Variants in ITCH observed in about 807,000 individuals in gnomAD.
ITCH encodes E3 ubiquitin-protein ligase Itchy homolog.
Under a neutral mutation model 126.8 loss-of-function variants are expected in ITCH, and 28 were observed. The observed-to-expected ratio is 0.22, with a 90% CI of 0.16 to 0.30. The LOEUF (loss-of-function observed/expected upper bound fraction) is 0.30. Among genes scored for constraint, ITCH ranks in the 10% least tolerant of loss-of-function variants. ITCH has a pLI of 1.00. For missense variants in ITCH, 631 were observed against 1,032.4 expected, an observed-to-expected ratio of 0.61 and a Z score of 5.33; for synonymous variants, 342 against 340.0, an observed-to-expected ratio of 1.01 and a Z score of -0.06.
rs1177677175 is a variant in ITCH, at chr20:34,412,685, T to C, written c.337+46T>C. The C allele has an allele frequency of 2.6e-6, 4 of 1,524,988 alleles. No individual in the cohort carries two copies. The Admixed American group carries it at 6.7e-5, about 26-fold the overall frequency. 94.5% of individuals were successfully genotyped at this position (1,524,988 alleles called of 1,614,324 possible). ...GAAATTGCACTTAGCTGTTTGTTTT[T>C]CTGGAAGAAATTTATATGTCAAACA... On this transcript the variant is annotated intron_variant, in intron 5 of 24. Transcript: ENST00000374864.
intron 14 of ITCH, among the ~76,000 whole-genome samples, chr20:34,469,311 C>T (rs551329177): frequency 1.9e-4 from 28 of 150,794 alleles, no homozygotes; most frequent in African/African-American, 6.3e-4. Flanking sequence ...TTTTTTTAGA[C>T]GGAGTCTAGC....
intron 12 of ITCH, among the ~76,000 whole-genome samples, chr20:34,451,301 A>G (rs1600372425): frequency 6.6e-6 from 1 of 152,172 alleles, no homozygotes; most frequent in East Asian, 1.9e-4. Flanking sequence ...AAAAAAAAAA[A>G]AAAAAGAAAT....
rs771480664 is a variant in ITCH, at chr20:34,471,547, CT to C, written c.1569+33del. 13 of 1,373,228 alleles carry C rather than the reference CT, an allele frequency of 9.5e-6. No homozygotes were observed. The South Asian group carries it at 1.0e-4, about 11-fold the overall frequency. The allele number at this position is 1,373,228 out of a possible 1,614,324, so 85.1% of individuals were successfully genotyped here. A position where few individuals can be genotyped will look rare whatever the true frequency, so the allele number is the denominator to read the frequency against. ...TTTCATTCTCTCAATAATTTCCCCC[CT>C]GGCTGCTAGCTTAGGACCCGCTTTT... On this transcript the variant is annotated intron_variant, in intron 16 of 24. Coordinates refer to ENST00000374864, the MANE Select transcript of ITCH (RefSeq NM_031483.7).
intron 13 of ITCH, 57 bp from the exon 14 acceptor site, chr20:34,462,036 T>A: frequency 6.4e-7 from 1 of 1,560,076 alleles, no homozygotes; most frequent in Non-Finnish European, 8.8e-7. Context: ...GCTTCTGTAC[T>A]TGGCAAACAA....
Position 34,494,753 on chromosome 20 carries a change from G to A in ITCH, c.2416+2156G>A, listed in dbSNP as rs549172662. Among the ~76,000 whole-genome samples the A allele has an allele frequency of 2.6e-5, 4 of 152,028 alleles. No homozygotes were observed. In the East Asian group the frequency reaches 7.7e-4, roughly 29 times the overall value. ...GCAGGAGGAACACACGAGCCCAGGG[G>A]TTTGAGACAAGCCTGGGCAATATAG... On this transcript the variant is annotated intron_variant, in intron 23 of 24. Transcript: ENST00000374864.
chr20:34,413,664 A>G, intron 5 of ITCH, 78 bp from the exon 6 acceptor site: 1 of 1,308,618 alleles, frequency 7.6e-7, no homozygotes. Context: ...CACATTTTTA[A>G]CAGTTAATTT....
chr20:34,376,128 G>C (rs2037835497), intron 2 of ITCH, among the ~76,000 whole-genome samples: 1 of 152,088 alleles, frequency 6.6e-6, no homozygotes, highest in African/African-American at 2.4e-5. Flanking sequence ...TTGTCTTGTG[G>C]CTTGCTGCTT....
chr20:34,394,997 C>T (rs544421904), intron 3 of ITCH, among the ~76,000 whole-genome samples: 2 of 152,022 alleles, frequency 1.3e-5, no homozygotes, highest in East Asian at 1.9e-4. Context: ...TTTGGGAGGT[C>T]GAGGTGGGCA....
intron 24 of ITCH, among the ~76,000 whole-genome samples, chr20:34,506,700 G>C (rs549924029): frequency 6.6e-6 from 1 of 152,144 alleles, no homozygotes; most frequent in East Asian, 1.9e-4. Context: ...TGCCAAAAAG[G>C]CTGGAGACTG....
At chr20:34,396,191 G>A (rs1437499718) in intron 3 of ITCH, among the ~76,000 whole-genome samples, 1 of 151,570 alleles carries the variant, frequency 6.6e-6, no homozygotes, top group Non-Finnish European at 1.5e-5. Context: ...GCACAACCAT[G>A]TGTAGCTAAT....
rs532358374 is a variant in ITCH at position 34,508,404 on chromosome 20, A to C, written c.*610A>C. ...TTTTGTCAATTTGAATTCAGGGAAA[A>C]GTTGGTCACAGCCTGCAAATGACTT... On this transcript the variant is annotated 3_prime_UTR_variant, in exon 25 of 25. Transcript: ENST00000374864. The C allele has an allele frequency of 3.8e-5, 6 of 157,206 alleles. No homozygotes were observed. Among genetic ancestry groups the C allele is most frequent in the African/African-American group, 1.4e-4 (6 of 41,588 alleles). The allele number at this position is 157,206 out of a possible 1,614,324, so 9.7% of individuals were successfully genotyped here.
chr20:34,461,948 G>A, intron 13 of ITCH, 145 bp from the exon 14 acceptor site: 1 of 725,248 alleles, frequency 1.4e-6, no homozygotes, highest in Non-Finnish European at 2.3e-6. Flanking sequence ...TGTCCACATA[G>A]AGATGTCTAG....
At chr20:34,385,555 A>G (rs1156654812) in intron 2 of ITCH, among the ~76,000 whole-genome samples, 1 of 152,088 alleles carries the variant, frequency 6.6e-6, no homozygotes, top group Non-Finnish European at 1.5e-5. Context: ...TAATTTTGAA[A>G]TGTTTGTCAG....
At chr20:34,418,343 G>GT (rs1300437356) in intron 6 of ITCH, among the ~76,000 whole-genome samples, 1 of 152,062 alleles carries the variant, frequency 6.6e-6, no homozygotes, top group African/African-American at 2.4e-5. Flanking sequence ...CTCTGGATGT[G>GT]TTTAAAATTA....
intron 2 of ITCH, among the ~76,000 whole-genome samples, chr20:34,381,607 T>A (rs1448201261): frequency 1.3e-5 from 2 of 152,116 alleles, no homozygotes; most frequent in Non-Finnish European, 2.9e-5. Context: ...TTTGTTTTTT[T>A]AGTAGAGACG....
In ITCH at chr20:34,363,355, C is replaced by A. The variant is rs1037616204; in HGVS notation, c.-99+6C>A. The A allele has an allele frequency of 2.0e-5, 3 of 152,516 alleles. No homozygotes were observed. Among genetic ancestry groups the A allele is most frequent in the Middle Eastern group, 3.2e-3 (1 of 316 alleles). 9.4% of individuals were successfully genotyped at this position (152,516 alleles called of 1,614,324 possible). ...CGCCGCCGCCCCGAGTCCCGGTAAACCCCCGTGGGCGAACTCGGGGCAGTT... is the reference window on the plus strand; with the variant it reads ...CGCCGCCGCCCCGAGTCCCGGTAAAACCCCGTGGGCGAACTCGGGGCAGTT... On this transcript the variant is annotated splice_donor_region_variant and intron_variant, in intron 1 of 24. Coordinates refer to ENST00000374864, the MANE Select transcript of ITCH (RefSeq NM_031483.7).
chr20:34,431,621 A>G (rs1175499182), intron 7 of ITCH, among the ~76,000 whole-genome samples: 2 of 152,190 alleles, frequency 1.3e-5, no homozygotes, highest in African/African-American at 2.4e-5. Flanking sequence ...CAAGAACACA[A>G]TCATAGAGAC....
chr20:34,489,419 G>A, intron 21 of ITCH, 33 bp downstream of exon 21: 1 of 1,597,218 alleles, frequency 6.3e-7, no homozygotes, highest in Non-Finnish European at 8.6e-7. Context: ...CCTGTACCAT[G>A]CTAGTAAATA....
chr20:34,487,863 C>A (rs1370939940), intron 20 of ITCH, among the ~76,000 whole-genome samples: 1 of 152,184 alleles, frequency 6.6e-6, no homozygotes, highest in African/African-American at 2.4e-5. Context: ...CGCTTGAACC[C>A]AGGTGGCGGA....
Sources: gnomAD v4.1 joint callset for allele counts (sites outside exome capture counted in the v4.1 genomes callset) on GRCh38, gnomAD v4.1.1 for gene constraint, MANE v1.5 for transcripts, NCBI Gene and HGNC (gene_info 2026-07-23, HGNC 2026-07-21) for gene names.